The following ZNF596 variants were observed in gnomAD, a reference collection of about 807,000 sequenced individuals.
The protein encoded by ZNF596 is zinc finger protein 596.
Under a neutral mutation model 48.3 loss-of-function variants are expected in ZNF596, and 45 were observed. The ratio of observed to expected loss-of-function variants is 0.93; its 90% CI spans 0.73 to 1.19. The LOEUF is 1.19. Among genes scored for constraint, ZNF596 ranks in the 50% most tolerant of loss-of-function variants. The pLI, the probability that ZNF596 is intolerant of heterozygous loss-of-function variation, is 0.00. For missense variants in ZNF596, 848 were observed against 599.7 expected, an observed-to-expected ratio of 1.41 and a Z score of -4.32; for synonymous variants, 270 against 202.0, an observed-to-expected ratio of 1.34 and a Z score of -2.85.
At chr8:232,765 C>T in intron 1 of ZNF596, 71 bp downstream of exon 1, 1 of 427,202 alleles carries the variant, frequency 2.3e-6, no homozygotes, top group South Asian at 1.8e-5. Flanking sequence ...CAGGGCAGCC[C>T]TGGGATTCGG....
chr8:246,956 A>G lies in ZNF596; in HGVS notation c.*594A>G, dbSNP rs989937828. Reference sequence around the variant, plus strand: ...TTCTTAATACAGCAGCACTTCTATAATAGATCAGAATTCACATGGTGTAGA... The same window carrying G: ...TTCTTAATACAGCAGCACTTCTATAGTAGATCAGAATTCACATGGTGTAGA... On this transcript the variant is annotated 3_prime_UTR_variant, in exon 6 of 6. Coordinates refer to ENST00000398612, the MANE Select transcript of ZNF596 (RefSeq NM_001042416.3). The G allele has an allele frequency of 3.3e-5, 5 of 153,006 alleles. No homozygotes were observed. Among genetic ancestry groups the G allele is most frequent in the African/African-American group, 1.2e-4 (5 of 41,470 alleles). 9.5% of individuals were successfully genotyped at this position (153,006 alleles called of 1,614,324 possible). A position where few individuals can be genotyped will look rare whatever the true frequency, so the allele number is the denominator to read the frequency against.
At position 242,895 on chromosome 8, in the gene ZNF596, G is replaced by T. The variant is rs752870840; in HGVS notation, c.21G>T (p.Met7Ile). 7.3e-5 allele frequency: 114 copies of T among 1,556,840 alleles called. 3 individuals carry two copies. The South Asian group carries it at 1.3e-3, about 18-fold the overall frequency. Reference sequence around the variant, plus strand: ...TGTCCATAATGTTTTAGGATTCCATGACCTTCGAGGATATCATTGTAGACT... The same window carrying T: ...TGTCCATAATGTTTTAGGATTCCATTACCTTCGAGGATATCATTGTAGACT... The part of the protein sequence containing the change: MPSPDS[M>I]TFEDIIVDFT... Residue 7 changes from methionine to isoleucine, a missense_variant, in exon 3 of 6, where the codon ATG (methionine) becomes ATT (isoleucine). Physicochemically the swap from Met to Ile is conservative, Grantham distance 10. Transcript: ENST00000398612.
chr8:242,948 A>T lies in ZNF596; in HGVS notation c.74A>T (p.Asp25Val), dbSNP rs1342599297. ...ACTCAAGAAGAGTGGGCCCTGCTGG[A>T]CACATCCCAGAGAAAGCTGTTTCAA... Reference protein sequence around the residue: ...DFTQEEWALLDTSQRKLFQDV... With the variant: ...DFTQEEWALLVTSQRKLFQDV... The change falls in exon 3 of 6, where the codon GAC becomes GTC. Residue 25 changes from aspartate to valine, a missense_variant. Asp to Val is a radical substitution (Grantham distance 152). Coordinates refer to ENST00000398612, the MANE Select transcript of ZNF596 (RefSeq NM_001042416.3). The T allele has an allele frequency of 6.2e-7, 1 of 1,611,864 alleles. No homozygotes were observed. Among genetic ancestry groups the T allele is most frequent in the South Asian group, 1.1e-5 (1 of 90,938 alleles).
At chr8:241,912 G>C (rs915762016) in intron 2 of ZNF596, among the ~76,000 whole-genome samples, 1 of 152,158 alleles carries the variant, frequency 6.6e-6, no homozygotes, top group Admixed American at 6.5e-5. Context: ...CAGCAGGAGA[G>C]AGACCAAATC....
At position 232,658 on chromosome 8, in the gene ZNF596, C is replaced by G; in HGVS notation, c.-109C>G. The G allele has an allele frequency of 2.7e-6, 1 of 374,264 alleles. No homozygotes were observed. Among genetic ancestry groups the G allele is most frequent in the South Asian group, 2.1e-5 (1 of 48,594 alleles). The allele number at this position is 374,264 out of a possible 1,614,324, so 23.2% of individuals were successfully genotyped here. On this transcript the variant is annotated 5_prime_UTR_variant, in exon 1 of 6. Coordinates refer to ENST00000398612, the MANE Select transcript of ZNF596 (RefSeq NM_001042416.3). The stretch of plus-strand genomic sequence containing the variant: ...TGTCCGGCCCTTCCACCCTAGTTCT[C>G]TTCACCGTCCGCCCATCCTATCGCG...
chr8:239,705 G>A (rs117487349), intron 1 of ZNF596, among the ~76,000 whole-genome samples: 1 of 152,166 alleles, frequency 6.6e-6, no homozygotes, highest in Non-Finnish European at 1.5e-5. Context: ...TTCAGCATAT[G>A]GATGTGTTCT....
rs1182291900 is a variant in ZNF596 at position 246,640 on chromosome 8, A to G, written c.*278A>G. On this transcript the variant is annotated 3_prime_UTR_variant, in exon 6 of 6. Coordinates refer to ENST00000398612, the MANE Select transcript of ZNF596 (RefSeq NM_001042416.3). ...CTCTGTTAAATAAATGGGAGAAATC[A>G]CATCACGAAAATTCTGTGCCTGTCG... The G allele has an allele frequency of 3.3e-6, 1 of 302,820 alleles. No homozygotes were observed. The highest frequency in any genetic ancestry group is 6.0e-6 in the Non-Finnish European group (1 of 165,686). The allele number at this position is 302,820 out of a possible 1,614,324, so 18.8% of individuals were successfully genotyped here. A position where few individuals can be genotyped will look rare whatever the true frequency, so the allele number is the denominator to read the frequency against.
At chr8:233,212 A>G (rs1796486370) in intron 1 of ZNF596, 11 of 433,530 alleles carry the variant, frequency 2.5e-5, no homozygotes, top group Admixed American at 2.5e-5. Flanking sequence ...GTAAATGGAA[A>G]TAGACAAAAT....
In ZNF596 at chr8:247,266, C is replaced by T. The variant is rs1226732975; in HGVS notation, c.*904C>T. On this transcript the variant is annotated 3_prime_UTR_variant, in exon 6 of 6. Coordinates refer to ENST00000398612, the MANE Select transcript of ZNF596 (RefSeq NM_001042416.3). ...AATATGTGGGTTGAAATGTACAATT[C>T]TGAAATAACCTGGGAATATTGAATG... 1.3e-5 allele frequency: 2 copies of T among 152,102 alleles called. No homozygotes were observed. Among genetic ancestry groups the T allele is most frequent in the African/African-American group, 4.8e-5 (2 of 41,400 alleles). The allele number at this position is 152,102 out of a possible 1,614,324, so 9.4% of individuals were successfully genotyped here.
At chr8:233,000 G>A (rs141271408) in intron 1 of ZNF596, 4 of 468,620 alleles carry the variant, frequency 8.5e-6, no homozygotes, top group African/African-American at 4.2e-5. Flanking sequence ...ACTGAGAAGC[G>A]GGCTCTTCCT....
intron 1 of ZNF596, among the ~76,000 whole-genome samples, chr8:235,704 G>T (rs1281545525): frequency 6.6e-6 from 1 of 152,102 alleles, no homozygotes. Flanking sequence ...TGTTTCTGCA[G>T]TGAAACCAAA....
chr8:232,984 T>A, intron 1 of ZNF596: 1 of 468,652 alleles, frequency 2.1e-6, no homozygotes, highest in Non-Finnish European at 4.4e-6. Context: ...ACCTTCCCGG[T>A]GTCCCACTGA....
chr8:233,051 T>C (rs1796479146), intron 1 of ZNF596: 1 of 466,334 alleles, frequency 2.1e-6, no homozygotes, highest in Non-Finnish European at 4.4e-6. Context: ...GATGTCGAGG[T>C]GGGGCAGGAG....
In ZNF596 at chr8:245,920, A is replaced by C. The variant is rs368718146; in HGVS notation, c.1073A>C (p.Asn358Thr). 2 of 1,609,750 alleles carry C rather than the reference A, an allele frequency of 1.2e-6. No homozygotes were observed. The highest frequency in any genetic ancestry group is 1.7e-6 in the Non-Finnish European group (2 of 1,178,594). The change falls in exon 6 of 6, where the codon AAT becomes ACT. Residue 358 changes from asparagine to threonine, a missense_variant. Transcript: ENST00000398612. ...CTTAGACAACATGAGCGAAGTCACA[A>C]TGGAGAGAAACCACATGGATGTCAT... ...SHLRQHERSHNGEKPHGCHLC... is the reference protein window; with the variant it reads ...SHLRQHERSHTGEKPHGCHLC...
intron 3 of ZNF596, 50 bp downstream of exon 3, chr8:243,063 A>G (rs1447787021): frequency 6.6e-7 from 1 of 1,523,452 alleles, no homozygotes; most frequent in African/African-American, 1.4e-5. Flanking sequence ...TCATTCACTC[A>G]CTCATTTTTC....
intron 2 of ZNF596, 76 bp downstream of exon 2, chr8:240,983 A>AT: frequency 1.9e-6 from 3 of 1,546,208 alleles, no homozygotes; most frequent in Non-Finnish European, 2.7e-6. Flanking sequence ...TCCTATTAAC[A>AT]TGGATGTTCT....
chr8:237,936 T>C (rs1473705167), intron 1 of ZNF596, among the ~76,000 whole-genome samples: 1 of 152,192 alleles, frequency 6.6e-6, no homozygotes, highest in Non-Finnish European at 1.5e-5. Flanking sequence ...TCATTTGGCA[T>C]AACTCAGCTG....
intron 3 of ZNF596, 173 bp downstream of exon 3, chr8:243,186 C>T (rs1484962759): frequency 8.2e-6 from 4 of 490,770 alleles, no homozygotes; most frequent in Middle Eastern, 5.8e-4. Context: ...CCATTTCTTT[C>T]CTTTTCACTT....
chr8:242,574 A>T (rs1259096453), intron 2 of ZNF596, among the ~76,000 whole-genome samples: 4 of 152,204 alleles, frequency 2.6e-5, no homozygotes, highest in African/African-American at 9.6e-5. Context: ...GGAGAATTTT[A>T]GTTCTAAATT....
Sources: allele counts gnomAD v4.1 joint callset (sites outside exome capture counted in the v4.1 genomes callset), GRCh38; gene constraint gnomAD v4.1.1; transcripts MANE v1.5; gene names NCBI Gene and HGNC (gene_info 2026-07-23, HGNC 2026-07-21).